The following PHACTR3 variants were observed in gnomAD, a reference collection of about 807,000 sequenced individuals.
The protein encoded by PHACTR3 is phosphatase and actin regulator 3.
PHACTR3 carries 16 observed loss-of-function variants against 66.8 expected under a neutral mutation model. That is an observed-to-expected ratio of 0.24 (90% CI 0.16 to 0.36). The LOEUF is 0.36. Ranked by LOEUF, PHACTR3 falls within the 10% of genes least tolerant of loss-of-function variation. PHACTR3 has a pLI of 1.00. For missense variants in PHACTR3, 647 were observed against 719.9 expected (o/e 0.90, Z 1.16); for synonymous variants, 323 against 292.1 (o/e 1.11, Z -1.08).
chr20:59,821,973 C>G (rs1376150137), intron 8 of PHACTR3, among the ~76,000 whole-genome samples: 1 of 149,862 alleles, frequency 6.7e-6, no homozygotes. Flanking sequence ...CCTACCCTTT[C>G]TGCAGCGATC....
At chr20:59,668,697 T>TA (rs1054043983) in intron 1 of PHACTR3, among the ~76,000 whole-genome samples, 8 of 152,034 alleles carry the variant, frequency 5.3e-5, no homozygotes, top group African/African-American at 1.2e-4. Flanking sequence ...CCTAAGTTTT[T>TA]AAAAAATTAT....
chr20:59,756,490 G>A (rs766780784), intron 4 of PHACTR3, among the ~76,000 whole-genome samples: 8 of 152,120 alleles, frequency 5.3e-5, no homozygotes, highest in Non-Finnish European at 1.2e-4. Context: ...CAGCGCTAGC[G>A]GCACCTGCCC....
At chr20:59,832,516 G>A (rs534854010) in intron 8 of PHACTR3, among the ~76,000 whole-genome samples, 11 of 152,174 alleles carry the variant, frequency 7.2e-5, no homozygotes, top group East Asian at 1.9e-4. Flanking sequence ...GGGCAGGTCC[G>A]TATCTCTTGG....
chr20:59,613,770 G>A (rs755496136), intron 1 of PHACTR3, among the ~76,000 whole-genome samples: 17 of 152,198 alleles, frequency 1.1e-4, no homozygotes, highest in Non-Finnish European at 2.5e-4. Context: ...GACTGAAGCA[G>A]TTTTTATGTT....
chr20:59,817,667 G>A (rs573212389), intron 8 of PHACTR3, among the ~76,000 whole-genome samples: 2 of 152,230 alleles, frequency 1.3e-5, no homozygotes, highest in African/African-American at 4.8e-5. Context: ...TGCTCAAGAG[G>A]GCAGCTGTCA....
At chr20:59,719,289 C>T (rs1437756014) in intron 1 of PHACTR3, among the ~76,000 whole-genome samples, 4 of 152,072 alleles carry the variant, frequency 2.6e-5, no homozygotes, top group Admixed American at 2.0e-4. Context: ...CTCAGCCTCC[C>T]GAGTAGCTGG....
At chr20:59,635,149 TTTTC>T (rs372955142) in intron 1 of PHACTR3, among the ~76,000 whole-genome samples, 622 of 60,030 alleles carry the variant, frequency 0.01, 20 homozygotes, top group Non-Finnish European at 0.012. Flanking sequence ...CTTTCTTTCT[TTTTC>T]TTTCTTTCTT....
chr20:59,732,899 G>T (rs1156279755), intron 1 of PHACTR3, among the ~76,000 whole-genome samples: 1 of 152,056 alleles, frequency 6.6e-6, no homozygotes, highest in Non-Finnish European at 1.5e-5. Flanking sequence ...TGAGGTCTCT[G>T]TTTCCCCTAT....
intron 7 of PHACTR3, among the ~76,000 whole-genome samples, chr20:59,782,657 C>G (rs1473683956): frequency 2.6e-5 from 4 of 152,300 alleles, no homozygotes; most frequent in Admixed American, 6.5e-5. Context: ...AGTTTTCCCT[C>G]ATAAAACCAC....
intron 9 of PHACTR3, among the ~76,000 whole-genome samples, chr20:59,839,626 C>T (rs2059022658): frequency 6.6e-6 from 1 of 152,162 alleles, no homozygotes. Context: ...ACGTTTTATA[C>T]TATATCTCAG....
chr20:59,844,064 G>T (rs906693803), intron 11 of PHACTR3: 1 of 151,904 alleles, frequency 6.6e-6, no homozygotes, highest in Non-Finnish European at 1.5e-5. Flanking sequence ...ACAGGTATAT[G>T]GAAAAAATGC....
intron 7 of PHACTR3, among the ~76,000 whole-genome samples, chr20:59,798,799 T>A (rs1171534533): frequency 2.6e-5 from 4 of 152,090 alleles, no homozygotes; most frequent in Non-Finnish European, 5.9e-5. Flanking sequence ...TATTATTTTT[T>A]AAATTTCATT....
chr20:59,734,365 C>CCTCA (rs1001807104), intron 1 of PHACTR3, among the ~76,000 whole-genome samples: 57 of 152,196 alleles, frequency 3.7e-4, no homozygotes, highest in African/African-American at 1.3e-3. Context: ...AATCCTCCTG[C>CCTCA]CTCAGCCTCC....
At chr20:59,614,654 TA>T (rs1326349073) in intron 1 of PHACTR3, among the ~76,000 whole-genome samples, 1 of 152,190 alleles carries the variant, frequency 6.6e-6, no homozygotes, top group Non-Finnish European at 1.5e-5. Context: ...ACAACCCTTT[TA>T]AAAAGTCACC....
intron 1 of PHACTR3, among the ~76,000 whole-genome samples, chr20:59,615,932 T>C (rs1274691866): frequency 2.0e-5 from 3 of 152,202 alleles, no homozygotes; most frequent in Non-Finnish European, 4.4e-5. Context: ...TATTTCCCTA[T>C]GTAGTCTGTG....
chr20:59,642,889 ATTC>A (rs962578748), intron 1 of PHACTR3, among the ~76,000 whole-genome samples: 65 of 152,166 alleles, frequency 4.3e-4, no homozygotes, highest in African/African-American at 1.4e-3. Context: ...TAAGAATTTA[ATTC>A]TTCTTCTTGT....
At chr20:59,677,745 T>G (rs1351636667) in intron 1 of PHACTR3, among the ~76,000 whole-genome samples, 2 of 152,204 alleles carry the variant, frequency 1.3e-5, no homozygotes, top group African/African-American at 2.4e-5. Flanking sequence ...GAGTGTGGTT[T>G]GCGTGTTGTT....
At chr20:59,775,937 C>A (rs1011372573) in intron 7 of PHACTR3, among the ~76,000 whole-genome samples, 3 of 152,166 alleles carry the variant, frequency 2.0e-5, no homozygotes, top group Non-Finnish European at 2.9e-5. Context: ...CTGCAGCATC[C>A]CTGGCCTCTC....
chr20:59,785,383 C>T (rs1279735127), intron 7 of PHACTR3, among the ~76,000 whole-genome samples: 1 of 152,152 alleles, frequency 6.6e-6, no homozygotes, highest in African/African-American at 2.4e-5. Flanking sequence ...CAGGCCCTAC[C>T]CACAAATACA....
Sources: gnomAD v4.1 joint callset for allele counts (sites outside exome capture counted in the v4.1 genomes callset) on GRCh38, gnomAD v4.1.1 for gene constraint, MANE v1.5 for transcripts, NCBI Gene and HGNC (gene_info 2026-07-23, HGNC 2026-07-21) for gene names.